TCF15: variants seen among roughly 807,000 people sequenced by gnomAD.
TCF15 encodes TCF-15.
TCF15 carries 7 observed loss-of-function variants against 11.1 expected under a neutral mutation model. The ratio of observed to expected loss-of-function variants is 0.63; its 90% CI spans 0.36 to 1.19. The LOEUF is 1.19. Ranked by LOEUF, TCF15 falls within the 50% of genes most tolerant of loss-of-function variation. TCF15 has a pLI of 0.02. For missense variants in TCF15, 288 were observed against 289.4 expected (o/e 1.00, Z 0.03); for synonymous variants, 144 against 138.9 (o/e 1.04, Z -0.26).
intron 1 of TCF15, among the ~76,000 whole-genome samples, chr20:608,855 C>T (rs1368709278): frequency 6.6e-6 from 1 of 152,186 alleles, no homozygotes; most frequent in African/African-American, 2.4e-5. Context: ...GAAAGGCACA[C>T]GGTCGGGGGA....
chr20:609,665 C>A lies in TCF15; in HGVS notation c.525+48G>T. On this transcript the variant is annotated intron_variant, in intron 1 of 1. Coordinates refer to ENST00000246080, the MANE Select transcript of TCF15 (RefSeq NM_004609.4). This position sits in a 1 kb window ranked among gnomAD's most constrained non-coding sequence, Gnocchi z 4.7. The stretch of plus-strand genomic sequence containing the variant: ...CCGGTTCCCGCAGAGGCGCTGCCCC[C>A]CGCCTACCCCGACCTGGCGGCCGCA... The A allele has an allele frequency of 7.5e-7, 1 of 1,327,618 alleles. No individual in the cohort carries two copies. Among genetic ancestry groups the A allele is most frequent in the Non-Finnish European group, 9.6e-7 (1 of 1,046,688 alleles). 82.2% of individuals were successfully genotyped at this position (1,327,618 alleles called of 1,614,324 possible).
rs1229482468 is a variant in TCF15 at position 609,541 on chromosome 20, G to A, written c.525+172C>T. Among the ~76,000 whole-genome samples the A allele has an allele frequency of 6.6e-6, 1 of 152,104 alleles. No individual in the cohort carries two copies. The highest frequency in any genetic ancestry group is 1.5e-5 in the Non-Finnish European group (1 of 68,032). On this transcript the variant is annotated intron_variant, in intron 1 of 1. Transcript: ENST00000246080. The surrounding 1 kb of genome is among the most constrained non-coding windows in gnomAD (Gnocchi z 4.7). Reference sequence around the variant, plus strand: ...TTTTCCCGCATCCTTCTGTTTGGGGGCCTGGGCATTAAGTCAGTGGTTCTG... The same window carrying A: ...TTTTCCCGCATCCTTCTGTTTGGGGACCTGGGCATTAAGTCAGTGGTTCTG...
Position 610,181 on chromosome 20 carries a change from C to T in TCF15, c.57G>A (p.Arg19=). 3 of 1,054,958 alleles carry T rather than the reference C, an allele frequency of 2.8e-6. No homozygotes were observed. Among genetic ancestry groups the T allele is most frequent in the South Asian group, 2.8e-5 (1 of 35,480 alleles). The allele number at this position is 1,054,958 out of a possible 1,614,324, so 65.3% of individuals were successfully genotyped here. Residue 19 remains arginine, a synonymous_variant, in exon 1 of 2, where the codon CGG becomes CGA. Transcript: ENST00000246080. ...VGAHVLYPDV[R]LLSEDEENRS... ...GGTTCTCCTCGTCCTCGCTCAGCAG[C>T]CGCACGTCCGGGTACAGCACGTGCG...
In TCF15 at chr20:609,771, T is replaced by TCGG. The variant is rs1328153158; in HGVS notation, c.464_466dup (p.Ala155dup). 2.8e-6 allele frequency: 4 copies of TCGG among 1,408,798 alleles called. No individual in the cohort carries two copies. Among genetic ancestry groups the TCGG allele is most frequent in the Admixed American group, 3.5e-5 (1 of 28,852 alleles). 87.3% of individuals were successfully genotyped at this position (1,408,798 alleles called of 1,614,324 possible). A position where few individuals can be genotyped will look rare whatever the true frequency, so the allele number is the denominator to read the frequency against. ...GATGGAGCGCGGCTGGCGGCCGCCG[T>TCGG]CGGCGGCGGCGGGGACGGCGCCCTT... On this transcript the variant is annotated inframe_insertion, in exon 1 of 2. Transcript: ENST00000246080. This position sits in a 1 kb window ranked among gnomAD's most constrained non-coding sequence, Gnocchi z 4.7.
In TCF15 at chr20:610,104, T is replaced by C. The variant is rs2020011668; in HGVS notation, c.134A>G (p.Glu45Gly). 2 of 998,024 alleles carry C rather than the reference T, an allele frequency of 2.0e-6. No homozygotes were observed. The highest frequency in any genetic ancestry group is 2.4e-6 in the Non-Finnish European group (2 of 838,164). 61.8% of individuals were successfully genotyped at this position (998,024 alleles called of 1,614,324 possible). The change falls in exon 1 of 2, where the codon GAG (glutamate) becomes GGG (glycine). Residue 45 changes from glutamate to glycine, a missense_variant. Glu to Gly is a moderately conservative substitution (Grantham distance 98). Transcript: ENST00000246080. ...GGGGCCCGGGCCGCGCCGCGCCGCC[T>C]CCGGGCCCTCGCAGCAGCCGAACGA... ...DQSFGCCEGP[E>G]AARRGPGPGG...
intron 1 of TCF15, among the ~76,000 whole-genome samples, chr20:607,049 C>T (rs185517683): frequency 3.3e-4 from 51 of 152,318 alleles, no homozygotes; most frequent in Admixed American, 3.1e-3. Flanking sequence ...CAGGATCACA[C>T]AAGCTAATCT....
chr20:607,430 A>G (rs1461245820), intron 1 of TCF15, among the ~76,000 whole-genome samples: 1 of 152,172 alleles, frequency 6.6e-6, no homozygotes, highest in Non-Finnish European at 1.5e-5. Context: ...TTGGGTCTTA[A>G]AGCTCTTCTG....
chr20:604,530 G>T lies in TCF15; in HGVS notation c.*61C>A. On this transcript the variant is annotated 3_prime_UTR_variant, in exon 2 of 2. Coordinates refer to ENST00000246080, the MANE Select transcript of TCF15 (RefSeq NM_004609.4). The surrounding 1 kb of genome is among the most constrained non-coding windows in gnomAD (Gnocchi z 4.2). Reference sequence around the variant, plus strand: ...CAAAGAAGGGGTGGGCTTGGCTCCTGGGGTCTTCTTCCCTGTCCAGCCAGT... The same window carrying T: ...CAAAGAAGGGGTGGGCTTGGCTCCTTGGGTCTTCTTCCCTGTCCAGCCAGT... 6.8e-7 allele frequency: 1 copy of T among 1,469,586 alleles called. No homozygotes were observed. Among genetic ancestry groups the T allele is most frequent in the Non-Finnish European group, 9.3e-7 (1 of 1,073,242 alleles). The allele number at this position is 1,469,586 out of a possible 1,614,324, so 91.0% of individuals were successfully genotyped here.
intron 1 of TCF15, among the ~76,000 whole-genome samples, chr20:607,016 C>T (rs1396913420): frequency 2.0e-5 from 3 of 152,152 alleles, no homozygotes; most frequent in Admixed American, 6.5e-5. Flanking sequence ...TCAGTTTCCC[C>T]CCCGTAAAGG....
In TCF15 at chr20:609,652, G is replaced by A; in HGVS notation, c.525+61C>T. ...CCCCTGCACCTCTCCGGTTCCCGCA[G>A]AGGCGCTGCCCCCCGCCTACCCCGA... On this transcript the variant is annotated intron_variant, in intron 1 of 1. Coordinates refer to ENST00000246080, the MANE Select transcript of TCF15 (RefSeq NM_004609.4). The surrounding 1 kb of genome is among the most constrained non-coding windows in gnomAD (Gnocchi z 4.7). The A allele has an allele frequency of 7.6e-7, 1 of 1,317,410 alleles. No individual in the cohort carries two copies. The highest frequency in any genetic ancestry group is 2.2e-5 in the South Asian group (1 of 45,584). 81.6% of individuals were successfully genotyped at this position (1,317,410 alleles called of 1,614,324 possible).
chr20:608,978 T>C (rs182544642), intron 1 of TCF15, among the ~76,000 whole-genome samples: 109 of 152,230 alleles, frequency 7.2e-4, no homozygotes, highest in Middle Eastern at 6.8e-3. Context: ...CCAGGACACA[T>C]TGCAGGAGCT....
chr20:608,666 C>T (rs549807343), intron 1 of TCF15, among the ~76,000 whole-genome samples: 79 of 152,316 alleles, frequency 5.2e-4, no homozygotes, highest in South Asian at 1.7e-3. Flanking sequence ...AAGGGACCAA[C>T]GGCAGCTGTG....
intron 1 of TCF15, among the ~76,000 whole-genome samples, chr20:608,239 A>C (rs2122241442): frequency 6.6e-6 from 1 of 152,072 alleles, no homozygotes; most frequent in South Asian, 2.1e-4. Context: ...CCCTGCCCTG[A>C]CCCTGGGGCT....
At position 604,468 on chromosome 20, in the gene TCF15, G is replaced by A; in HGVS notation, c.*123C>T. ...AGATGTCCCGAGGGCCCTGCCCAGA[G>A]TGTCCCGGAACAGGCCATGGTCCCC... On this transcript the variant is annotated 3_prime_UTR_variant, in exon 2 of 2. Transcript: ENST00000246080. This position sits in a 1 kb window ranked among gnomAD's most constrained non-coding sequence, Gnocchi z 4.2. 2.2e-6 allele frequency: 2 copies of A among 890,920 alleles called. No homozygotes were observed. The highest frequency in any genetic ancestry group is 2.9e-5 in the South Asian group (2 of 69,710). 55.2% of individuals were successfully genotyped at this position (890,920 alleles called of 1,614,324 possible).
Position 604,550 on chromosome 20 carries a change from G to T in TCF15, c.*41C>A. On this transcript the variant is annotated 3_prime_UTR_variant, in exon 2 of 2. Transcript: ENST00000246080. This position sits in a 1 kb window ranked among gnomAD's most constrained non-coding sequence, Gnocchi z 4.2. Reference sequence around the variant, plus strand: ...CTCCTGGGGTCTTCTTCCCTGTCCAGCCAGTGGCTGGCTCCTGGCCTCCTT... The same window carrying T: ...CTCCTGGGGTCTTCTTCCCTGTCCATCCAGTGGCTGGCTCCTGGCCTCCTT... 6.5e-7 allele frequency: 1 copy of T among 1,533,072 alleles called. No homozygotes were observed. The highest frequency in any genetic ancestry group is 1.2e-5 in the South Asian group (1 of 83,724). 95.0% of individuals were successfully genotyped at this position (1,533,072 alleles called of 1,614,324 possible).
intron 1 of TCF15, among the ~76,000 whole-genome samples, chr20:605,946 C>T (rs2019970777): frequency 6.6e-6 from 1 of 152,176 alleles, no homozygotes; most frequent in South Asian, 2.1e-4. Flanking sequence ...GTCTGAAATC[C>T]CACTGTAAAT....
At position 610,294 on chromosome 20, in the gene TCF15, T is replaced by C; in HGVS notation, c.-57A>G. The C allele has an allele frequency of 3.0e-6, 3 of 985,340 alleles. No individual in the cohort carries two copies. The highest frequency in any genetic ancestry group is 1.8e-5 in the African/African-American group (1 of 56,780). 61.0% of individuals were successfully genotyped at this position (985,340 alleles called of 1,614,324 possible). ...TCCCAGCGTCGGCCGCGCCCCGCCG[T>C]GCGCTCCCGCGCGCTCCCACGGCCC... On this transcript the variant is annotated 5_prime_UTR_variant, in exon 1 of 2. Coordinates refer to ENST00000246080, the MANE Select transcript of TCF15 (RefSeq NM_004609.4).
intron 1 of TCF15, among the ~76,000 whole-genome samples, chr20:607,039 C>T (rs929213568): frequency 6.6e-6 from 1 of 152,178 alleles, no homozygotes; most frequent in Non-Finnish European, 1.5e-5. Flanking sequence ...AATTACTTTA[C>T]AGGATCACAC....
At position 609,597 on chromosome 20, in the gene TCF15, C is replaced by G; in HGVS notation, c.525+116G>C. The G allele has an allele frequency of 8.3e-7, 1 of 1,211,884 alleles. No homozygotes were observed. The highest frequency in any genetic ancestry group is 1.0e-6 in the Non-Finnish European group (1 of 955,998). 75.1% of individuals were successfully genotyped at this position (1,211,884 alleles called of 1,614,324 possible). ...GGGGTGCCGCACCCAGCACGAATTCCACGTCGCTTCCCCCTGGCCTCGTTG... is the reference window on the plus strand; with the variant it reads ...GGGGTGCCGCACCCAGCACGAATTCGACGTCGCTTCCCCCTGGCCTCGTTG... On this transcript the variant is annotated intron_variant, in intron 1 of 1. Coordinates refer to ENST00000246080, the MANE Select transcript of TCF15 (RefSeq NM_004609.4). This position sits in a 1 kb window ranked among gnomAD's most constrained non-coding sequence, Gnocchi z 4.7.
Sources: gnomAD v4.1 joint callset for allele counts (sites outside exome capture counted in the v4.1 genomes callset) on GRCh38, gnomAD v4.1.1 for gene constraint, Gnocchi (gnomAD v3.1) non-coding constraint, MANE v1.5 for transcripts, NCBI Gene and HGNC (gene_info 2026-07-23, HGNC 2026-07-21) for gene names.